MCTP1: variants seen among roughly 807,000 people sequenced by gnomAD.
The protein encoded by MCTP1 is multiple C2 and transmembrane domain-containing protein 1.
MCTP1 carries 69 observed loss-of-function variants against 120.6 expected under a neutral mutation model. The ratio of observed to expected loss-of-function variants is 0.57; its 90% CI spans 0.47 to 0.70. The LOEUF is 0.70. Among genes scored for constraint, MCTP1 ranks in the 30% least tolerant of loss-of-function variants. The pLI is 0.00. For synonymous variants in MCTP1, 529 were observed against 493.1 expected, an observed-to-expected ratio of 1.07 and a Z score of -0.96; for missense variants, 1,203 against 1,248.8, an observed-to-expected ratio of 0.96 and a Z score of 0.55.
chr5:94,950,842 T>C (rs1262310753), intron 3 of MCTP1, among the ~76,000 whole-genome samples: 1 of 150,860 alleles, frequency 6.6e-6, no homozygotes, highest in Non-Finnish European at 1.5e-5. Context: ...CAGTCCCAGC[T>C]ACTCAGAGGC....
chr5:94,775,951 G>T (rs1276919340), intron 19 of MCTP1, among the ~76,000 whole-genome samples: 1 of 144,344 alleles, frequency 6.9e-6, no homozygotes, highest in Non-Finnish European at 1.5e-5. Context: ...ATATATTATA[G>T]AAATATATTT....
chr5:95,187,258 T>C (rs1562220003), intron 1 of MCTP1, among the ~76,000 whole-genome samples: 1 of 152,156 alleles, frequency 6.6e-6, no homozygotes, highest in Non-Finnish European at 1.5e-5. Flanking sequence ...CAAAATGGAA[T>C]ACTATTCAGC....
intron 6 of MCTP1, among the ~76,000 whole-genome samples, chr5:94,927,443 G>A (rs1412506266): frequency 6.6e-6 from 1 of 152,078 alleles, no homozygotes; most frequent in African/African-American, 2.4e-5. Context: ...TACCGAGCAT[G>A]TACTTTTTTT....
At position 95,088,721 on chromosome 5, in the gene MCTP1, C is replaced by T. The variant is rs1582222163; in HGVS notation, c.721-71237G>A. Among the ~76,000 whole-genome samples the T allele has an allele frequency of 2.0e-5, 3 of 152,318 alleles. No individual in the cohort carries two copies. In the East Asian group the frequency reaches 5.8e-4, roughly 29 times the overall value. On this transcript the variant is annotated intron_variant, in intron 1 of 22. Coordinates refer to ENST00000515393, the MANE Select transcript of MCTP1 (RefSeq NM_024717.7). ...GCATTACTATTTGCTAGATACTGTT[C>T]TAACTACTTTACCAACATTAACTCA... is the stretch of plus-strand genomic sequence containing the variant.
At chr5:94,862,963 T>G (rs1796102131) in intron 17 of MCTP1, among the ~76,000 whole-genome samples, 1 of 151,812 alleles carries the variant, frequency 6.6e-6, no homozygotes, top group Admixed American at 6.6e-5. Flanking sequence ...AGGGCAACCT[T>G]AAAAATATAT....
At chr5:94,838,749 G>C (rs1790360560) in intron 17 of MCTP1, among the ~76,000 whole-genome samples, 1 of 152,146 alleles carries the variant, frequency 6.6e-6, no homozygotes, top group African/African-American at 2.4e-5. Context: ...TTAAATGCAT[G>C]GTTGTCCTGT....
chr5:94,986,034 T>C (rs1830371455), intron 2 of MCTP1, among the ~76,000 whole-genome samples: 1 of 152,178 alleles, frequency 6.6e-6, no homozygotes, highest in South Asian at 2.1e-4. Context: ...ATAGATGTAA[T>C]AAAGTAGAAA....
intron 1 of MCTP1, among the ~76,000 whole-genome samples, chr5:95,198,647 C>T (rs942907086): frequency 2.0e-5 from 3 of 152,094 alleles, no homozygotes; most frequent in African/African-American, 7.2e-5. Context: ...CGTCTTTTCC[C>T]GCTTTTAAAA....
At chr5:94,796,988 A>T (rs1188520199) in intron 18 of MCTP1, among the ~76,000 whole-genome samples, 2 of 152,078 alleles carry the variant, frequency 1.3e-5, no homozygotes, top group African/African-American at 4.8e-5. Flanking sequence ...TGGGGAAGAA[A>T]AATGTCCATG....
chr5:95,207,848 T>C (rs1277286631), intron 1 of MCTP1, among the ~76,000 whole-genome samples: 1 of 150,240 alleles, frequency 6.7e-6, no homozygotes, highest in Non-Finnish European at 1.5e-5. Context: ...CGAGGAGACC[T>C]AGGGAGAAAG....
intron 2 of MCTP1, among the ~76,000 whole-genome samples, chr5:94,983,924 G>T (rs1581697093): frequency 6.6e-6 from 1 of 152,098 alleles, no homozygotes; most frequent in East Asian, 1.9e-4. Context: ...TGGACAACTG[G>T]CAGTCTCTAA....
intron 1 of MCTP1, among the ~76,000 whole-genome samples, chr5:95,052,816 T>G (rs1349617479): frequency 1.3e-5 from 2 of 152,246 alleles, no homozygotes; most frequent in Non-Finnish European, 2.9e-5. Flanking sequence ...CGTTTAAATT[T>G]CATTAAGCTT....
chr5:95,235,831 T>C (rs1755481361), intron 1 of MCTP1, among the ~76,000 whole-genome samples: 1 of 152,232 alleles, frequency 6.6e-6, no homozygotes, highest in Non-Finnish European at 1.5e-5. Flanking sequence ...CATGCCTTGA[T>C]GTCAACCTTG....
At chr5:95,162,206 T>C (rs1408930120) in intron 1 of MCTP1, among the ~76,000 whole-genome samples, 2 of 152,218 alleles carry the variant, frequency 1.3e-5, no homozygotes, top group African/African-American at 4.8e-5. Context: ...TGTACTGTTA[T>C]GTTTACATAG....
At chr5:94,960,520 A>T (rs146931097) in intron 2 of MCTP1, among the ~76,000 whole-genome samples, 6 of 152,182 alleles carry the variant, frequency 3.9e-5, no homozygotes, top group Non-Finnish European at 8.8e-5. Context: ...CAATCTATCC[A>T]TCTGACAAAG....
intron 1 of MCTP1, among the ~76,000 whole-genome samples, chr5:95,029,024 T>A (rs1397002175): frequency 6.6e-6 from 1 of 151,794 alleles, no homozygotes; most frequent in Admixed American, 6.6e-5. Context: ...CCAGGTGTGG[T>A]GGTGCGTGCC....
At chr5:94,777,754 C>T (rs1344029914) in intron 19 of MCTP1, among the ~76,000 whole-genome samples, 4 of 152,114 alleles carry the variant, frequency 2.6e-5, no homozygotes, top group African/African-American at 4.8e-5. Context: ...AGTGTATGCT[C>T]ATGTTATTTA....
At chr5:94,907,717 T>C (rs959266512) in intron 10 of MCTP1, among the ~76,000 whole-genome samples, 2 of 151,926 alleles carry the variant, frequency 1.3e-5, no homozygotes, top group African/African-American at 4.8e-5. Context: ...CCTGAGAAAT[T>C]TTCACAGTTT....
chr5:94,954,171 T>TATATATATGCATATATATAC lies in MCTP1; in HGVS notation c.839-811_839-810insGTATATATATGCATATATAT, dbSNP rs1821873964. Among the ~76,000 whole-genome samples, 14 of 37,964 alleles carry TATATATATGCATATATATAC rather than the reference T, an allele frequency of 3.7e-4. 1 individual carries two copies. The highest frequency in any genetic ancestry group is 1.3e-3 in the Admixed American group (4 of 3,024). The allele number at this position is 37,964 out of a possible 152,430, so 24.9% of individuals were successfully genotyped here. On this transcript the variant is annotated intron_variant, in intron 2 of 22. Coordinates refer to ENST00000515393, the MANE Select transcript of MCTP1 (RefSeq NM_024717.7). ...ACATATATATATGCATATATATACATATATATATATGCATATATATATATA... is the reference window on the plus strand; with the variant it reads ...ACATATATATATGCATATATATACATATATATATGCATATATATACATATATATATGCATATATATATATA...
Sources: allele counts gnomAD v4.1 joint callset (sites outside exome capture counted in the v4.1 genomes callset), GRCh38; gene constraint gnomAD v4.1.1; transcripts MANE v1.5; gene names NCBI Gene and HGNC (gene_info 2026-07-23, HGNC 2026-07-21).